CREBBP: variants seen among roughly 807,000 people sequenced by gnomAD.
CREBBP encodes the protein CREB binding lysine acetyltransferase, also known as CREB-binding protein.
CREBBP carries 19 observed loss-of-function variants against 265.0 expected under a neutral mutation model. That is an observed-to-expected ratio of 0.07 (90% CI 0.05 to 0.11). The LOEUF (loss-of-function observed/expected upper bound fraction) is 0.11. Ranked by LOEUF, CREBBP falls within the 10% of genes least tolerant of loss-of-function variation. CREBBP has a pLI of 1.00. For synonymous variants in CREBBP, 1,457 were observed against 1,223.7 expected (o/e 1.19, Z -3.98); for missense variants, 2,525 against 3,219.0 (o/e 0.78, Z 5.22).
At chr16:3,814,677 A>G (rs780682098) in intron 2 of CREBBP, among the ~76,000 whole-genome samples, 32 of 152,170 alleles carry the variant, frequency 2.1e-4, no homozygotes, top group Non-Finnish European at 4.4e-4. Context: ...AAACAGTCTC[A>G]ACAAGTTTTT....
At chr16:3,837,836 T>C (rs1021133573) in intron 2 of CREBBP, among the ~76,000 whole-genome samples, 3 of 152,166 alleles carry the variant, frequency 2.0e-5, no homozygotes, top group African/African-American at 7.2e-5. Flanking sequence ...AATAAATAAA[T>C]TTAGCATGGC....
At chr16:3,862,865 C>T (rs2055105382) in intron 1 of CREBBP, among the ~76,000 whole-genome samples, 1 of 152,180 alleles carries the variant, frequency 6.6e-6, no homozygotes, top group South Asian at 2.1e-4. Context: ...TGAAGTTCTG[C>T]TCAGAGTTTG....
intron 3 of CREBBP, among the ~76,000 whole-genome samples, chr16:3,794,163 T>TA (rs1338519373): frequency 6.6e-6 from 1 of 151,432 alleles, no homozygotes; most frequent in East Asian, 1.9e-4. Context: ...TCATCTCTAC[T>TA]AAAAAACAGA....
chr16:3,751,640 A>G (rs2052476461), intron 20 of CREBBP, 86 bp downstream of exon 20: 13 of 1,330,084 alleles, frequency 9.8e-6, no homozygotes, highest in Middle Eastern at 1.8e-4. Flanking sequence ...TGGCACCGGT[A>G]CCTTCCTTAT....
At chr16:3,841,469 T>C (rs1366436318) in intron 2 of CREBBP, among the ~76,000 whole-genome samples, 1 of 151,902 alleles carries the variant, frequency 6.6e-6, no homozygotes. Flanking sequence ...AGAGAATCAA[T>C]TTTTTAAAAA....
rs1345384993 is a variant in CREBBP at position 3,727,688 on chromosome 16, T to C, written c.*30A>G. On this transcript the variant is annotated 3_prime_UTR_variant, in exon 31 of 31. Coordinates refer to ENST00000262367, the MANE Select transcript of CREBBP (RefSeq NM_004380.3). ...TTTCAGTACAAAAGGTCCAAGAACA[T>C]GAAAGGGAAAAGGTGATGCTCTCAC... is the stretch of plus-strand genomic sequence containing the variant. 1.2e-6 allele frequency: 2 copies of C among 1,612,482 alleles called. No homozygotes were observed. The highest frequency in any genetic ancestry group is 1.7e-6 in the Non-Finnish European group (2 of 1,179,922).
At chr16:3,777,195 C>T (rs1161073194) in intron 11 of CREBBP, among the ~76,000 whole-genome samples, 1 of 150,734 alleles carries the variant, frequency 6.6e-6, no homozygotes, top group Admixed American at 6.6e-5. Context: ...ATTAGCCACG[C>T]GTGGTGGTGG....
chr16:3,832,834 G>A lies in CREBBP; in HGVS notation c.798+17463C>T, dbSNP rs537410975. ...AGATAACACTCCACAATCAAGTGGG[G>A]TTATCTCACAGGAATGCAAGGCTGG... On this transcript the variant is annotated intron_variant, in intron 2 of 30. Transcript: ENST00000262367. 2.6e-5 allele frequency among the ~76,000 whole-genome samples: 4 copies of A among 152,040 alleles called. No individual in the cohort carries two copies. In the South Asian group the frequency reaches 8.3e-4, roughly 32 times the overall value.
intron 26 of CREBBP, among the ~76,000 whole-genome samples, chr16:3,737,317 G>C (rs1191287443): frequency 6.6e-6 from 1 of 152,202 alleles, no homozygotes; most frequent in East Asian, 1.9e-4. Context: ...CCAGACCCAA[G>C]ACAGCATACG....
intron 2 of CREBBP, among the ~76,000 whole-genome samples, chr16:3,817,800 C>A (rs968862083): frequency 2.0e-5 from 3 of 152,082 alleles, no homozygotes; most frequent in Non-Finnish European, 4.4e-5. Context: ...ATGGGCCAGG[C>A]AGTCCATGGG....
At chr16:3,846,446 C>T (rs1282849084) in intron 2 of CREBBP, among the ~76,000 whole-genome samples, 2 of 152,142 alleles carry the variant, frequency 1.3e-5, no homozygotes, top group African/African-American at 2.4e-5. Flanking sequence ...TCAGAAATTG[C>T]ATGTCCAATA....
intron 1 of CREBBP, among the ~76,000 whole-genome samples, chr16:3,867,282 T>A (rs753714509): frequency 3.3e-5 from 5 of 152,108 alleles, no homozygotes; most frequent in African/African-American, 7.2e-5. Flanking sequence ...GAATTAATTT[T>A]AAAAAAACTT....
chr16:3,816,262 CTGTT>C (rs1159208519), intron 2 of CREBBP, among the ~76,000 whole-genome samples: 2 of 152,208 alleles, frequency 1.3e-5, no homozygotes, highest in South Asian at 4.1e-4. Context: ...AATCAATTAA[CTGTT>C]TGAGAACCTA....
intron 2 of CREBBP, among the ~76,000 whole-genome samples, chr16:3,827,727 G>A (rs1041803175): frequency 1.3e-5 from 2 of 151,980 alleles, no homozygotes; most frequent in Non-Finnish European, 2.9e-5. Flanking sequence ...GGGTCTCTCT[G>A]TAGCCCAAGC....
intron 16 of CREBBP, among the ~76,000 whole-genome samples, chr16:3,761,946 T>C (rs1016973357): frequency 2.0e-5 from 3 of 152,226 alleles, no homozygotes; most frequent in Admixed American, 6.5e-5. Context: ...GGCCAGCTGC[T>C]TGCTTTTCTG....
At chr16:3,858,114 A>C (rs549550668) in intron 1 of CREBBP, among the ~76,000 whole-genome samples, 5 of 152,310 alleles carry the variant, frequency 3.3e-5, no homozygotes, top group Admixed American at 2.6e-4. Context: ...GACAAATGGT[A>C]CCTACATCTG....
chr16:3,843,640 G>A (rs2054607805), intron 2 of CREBBP, among the ~76,000 whole-genome samples: 1 of 151,726 alleles, frequency 6.6e-6, no homozygotes, highest in Non-Finnish European at 1.5e-5. Flanking sequence ...GGCTGGTCTT[G>A]AACTCCTGGG....
chr16:3,777,734 T>C, intron 10 of CREBBP, 77 bp from the exon 11 acceptor site: 1 of 1,553,252 alleles, frequency 6.4e-7, no homozygotes, highest in Non-Finnish European at 8.9e-7. Flanking sequence ...AATAGGAAAT[T>C]TCTTATTAGG....
intron 3 of CREBBP, among the ~76,000 whole-genome samples, chr16:3,809,007 T>C (rs1054197287): frequency 9.2e-5 from 14 of 152,158 alleles, no homozygotes; most frequent in African/African-American, 3.1e-4. Context: ...TTTCAGGTTC[T>C]GGACCTGCAC....
Sources: gnomAD v4.1 joint callset for allele counts (sites outside exome capture counted in the v4.1 genomes callset) on GRCh38, gnomAD v4.1.1 for gene constraint, MANE v1.5 for transcripts, NCBI Gene and HGNC (gene_info 2026-07-23, HGNC 2026-07-21) for gene names.